EXD3: variants seen among roughly 807,000 people sequenced by gnomAD.
EXD3 encodes exonuclease 3'-5' domain containing 3.
Under a neutral mutation model 98.0 loss-of-function variants are expected in EXD3, and 92 were observed. That is an observed-to-expected ratio of 0.94 (90% CI 0.79 to 1.12). The LOEUF (loss-of-function observed/expected upper bound fraction) is 1.12. EXD3 is among the 50% of genes most tolerant of loss of function. EXD3 has a pLI of 0.00. For missense variants in EXD3, 1,222 were observed against 1,191.6 expected (o/e 1.03, Z -0.38); for synonymous variants, 569 against 526.0 (o/e 1.08, Z -1.12).
intron 2 of EXD3, among the ~76,000 whole-genome samples, chr9:137,389,183 G>A (rs1316047293): frequency 6.6e-6 from 1 of 152,220 alleles, no homozygotes; most frequent in African/African-American, 2.4e-5. Flanking sequence ...CTCAGCTGCA[G>A]GCAGGGCGGG....
intron 1 of EXD3, among the ~76,000 whole-genome samples, chr9:137,408,987 T>G (rs1317753566): frequency 6.6e-6 from 1 of 152,250 alleles, no homozygotes; most frequent in Non-Finnish European, 1.5e-5. Context: ...GCAGTCGGCC[T>G]GTCCCTTCTG....
intron 2 of EXD3, chr9:137,392,388 G>A (rs76547376): frequency 0.015 from 2,414 of 161,832 alleles, 53 homozygotes; most frequent in African/African-American, 0.054. Context: ...AGGCCTGGCT[G>A]TCGGGGGCAG....
chr9:137,387,746 C>T (rs1046932143), intron 2 of EXD3, among the ~76,000 whole-genome samples: 22 of 152,220 alleles, frequency 1.4e-4, no homozygotes, highest in Admixed American at 7.8e-4. Flanking sequence ...ACCCGCTCTC[C>T]GGCCCCAGAA....
At chr9:137,314,516 G>A (rs1200476674) in intron 19 of EXD3, among the ~76,000 whole-genome samples, 1 of 152,162 alleles carries the variant, frequency 6.6e-6, no homozygotes, top group Non-Finnish European at 1.5e-5. Context: ...CACCCGCTCA[G>A]TGACCCCCGC....
chr9:137,415,249 G>A (rs1838183102), intron 1 of EXD3, among the ~76,000 whole-genome samples: 1 of 151,308 alleles, frequency 6.6e-6, no homozygotes, highest in Non-Finnish European at 1.5e-5. Flanking sequence ...TGTTGCCCAG[G>A]CTGGAGTGCA....
chr9:137,322,053 A>G (rs1588240950), intron 19 of EXD3, among the ~76,000 whole-genome samples: 1 of 152,084 alleles, frequency 6.6e-6, no homozygotes. Context: ...TGGTGCCCCC[A>G]CCAGCCTCCT....
intron 2 of EXD3, among the ~76,000 whole-genome samples, chr9:137,383,811 G>A (rs1484086390): frequency 2.6e-5 from 4 of 152,300 alleles, no homozygotes; most frequent in East Asian, 1.9e-4. Flanking sequence ...TTTAGGTTTC[G>A]GTCCCCGGCC....
rs144589250 is a variant in EXD3, at chr9:137,324,510, T to C, written c.1999-367A>G. Among the ~76,000 whole-genome samples, 407 of 152,210 alleles carry C rather than the reference T, an allele frequency of 2.7e-3. 3 individuals are homozygous for C. Among genetic ancestry groups the C allele is most frequent in the East Asian group, 0.024 (124 of 5,176 alleles). On this transcript the variant is annotated intron_variant, in intron 17 of 21. Coordinates refer to ENST00000340951, the MANE Select transcript of EXD3 (RefSeq NM_017820.5). The surrounding 1 kb of genome is among the most constrained non-coding windows in gnomAD (Gnocchi z 4.1). ...AACACAGTAACTTGCCCCTAGCTCA[T>C]AGGGAGCCAACTACACATCAAAAAT...
At chr9:137,412,279 C>A (rs1838039799) in intron 1 of EXD3, among the ~76,000 whole-genome samples, 1 of 152,220 alleles carries the variant, frequency 6.6e-6, no homozygotes, top group African/African-American at 2.4e-5. Context: ...ACAGCAGCCA[C>A]AGCTGAAAGT....
intron 20 of EXD3, among the ~76,000 whole-genome samples, chr9:137,309,325 A>C (rs1831236925): frequency 6.6e-6 from 1 of 152,026 alleles, no homozygotes; most frequent in African/African-American, 2.4e-5. Flanking sequence ...AGAGAGAAGG[A>C]GGTGCACACC....
intron 1 of EXD3, among the ~76,000 whole-genome samples, chr9:137,416,636 C>G (rs1291862120): frequency 6.6e-6 from 1 of 152,196 alleles, no homozygotes; most frequent in Non-Finnish European, 1.5e-5. Flanking sequence ...CGGCTCAGAG[C>G]ATCATCCTGC....
chr9:137,397,352 C>T (rs1280527145), intron 1 of EXD3, among the ~76,000 whole-genome samples: 2 of 152,294 alleles, frequency 1.3e-5, no homozygotes, highest in East Asian at 1.9e-4. Context: ...CTCCGAAGAG[C>T]CCCTGACAAA....
intron 21 of EXD3, 23 bp from the exon 22 acceptor site, chr9:137,307,286 C>T (rs1375773960): frequency 6.8e-7 from 1 of 1,468,182 alleles, no homozygotes; most frequent in Non-Finnish European, 9.0e-7. Flanking sequence ...AAGTGGACTC[C>T]CTGAGCCCTC....
Position 137,393,581 on chromosome 9 carries a change from C to T in EXD3, c.55+1722G>A, listed in dbSNP as rs148820703. On this transcript the variant is annotated intron_variant, in intron 2 of 21. Transcript: ENST00000340951. The surrounding 1 kb of genome is among the most constrained non-coding windows in gnomAD (Gnocchi z 4.6). ...GGAAGGCGACATGCCCGGAGGTGCC[C>T]CCACAGCCCTCAGCACCCACTGGGA... Among the ~76,000 whole-genome samples the T allele has an allele frequency of 1.8e-3, 268 of 152,318 alleles. 1 individual carries two copies. Among genetic ancestry groups the T allele is most frequent in the African/African-American group, 6.2e-3 (256 of 41,566 alleles).
chr9:137,323,818 G>C lies in EXD3; in HGVS notation c.2091C>G (p.Val697=), dbSNP rs764477243. 6.2e-7 allele frequency: 1 copy of C among 1,612,084 alleles called. No individual in the cohort carries two copies. The highest frequency in any genetic ancestry group is 1.1e-5 in the South Asian group (1 of 91,058). The change falls in exon 19 of 22, where the codon GTC becomes GTG. Residue 697 remains valine (V), a synonymous_variant. Transcript: ENST00000340951. ...AQVGAGRCLS[V]DCSLKAQQQA... ...GCTGCTGGGCCTTCAGGGAGCAGTCGACCGAGAGGCAGCGCCCAGCCCCGA... is the reference window on the plus strand; with the variant it reads ...GCTGCTGGGCCTTCAGGGAGCAGTCCACCGAGAGGCAGCGCCCAGCCCCGA...
Position 137,395,451 on chromosome 9 carries a change from C to G in EXD3, c.-47-47G>C. 6.4e-7 allele frequency: 1 copy of G among 1,573,042 alleles called. No homozygotes were observed. The highest frequency in any genetic ancestry group is 8.7e-7 in the Non-Finnish European group (1 of 1,150,118). On this transcript the variant is annotated intron_variant, in intron 1 of 21. Transcript: ENST00000340951. The surrounding 1 kb of genome is among the most constrained non-coding windows in gnomAD (Gnocchi z 6.5). ...TGAATGCAGAGCCCACTGCAACAGG[C>G]AGCCATGCAGAGCCCACGCCCACAG...
intron 1 of EXD3, among the ~76,000 whole-genome samples, chr9:137,420,592 T>G (rs1053062578): frequency 6.6e-6 from 1 of 152,130 alleles, no homozygotes; most frequent in Non-Finnish European, 1.5e-5. Flanking sequence ...ATAGAGCCAA[T>G]AAAAAGCCCC....
In EXD3 at chr9:137,366,476, C is replaced by T. The variant is rs999187674; in HGVS notation, c.656+17G>A. On this transcript the variant is annotated intron_variant, in intron 7 of 21. Coordinates refer to ENST00000340951, the MANE Select transcript of EXD3 (RefSeq NM_017820.5). Reference sequence around the variant, plus strand: ...GATGCCATCTGGTGCCAGCTGCCAGCGCCCCACGGGACTCACCTGGCAACG... The same window carrying T: ...GATGCCATCTGGTGCCAGCTGCCAGTGCCCCACGGGACTCACCTGGCAACG... 22 of 1,539,544 alleles carry T rather than the reference C, an allele frequency of 1.4e-5. No individual in the cohort carries two copies. The highest frequency in any genetic ancestry group is 1.1e-4 in the African/African-American group (8 of 72,748).
At chr9:137,366,057 G>A in intron 7 of EXD3, 1 of 672,904 alleles carries the variant, frequency 1.5e-6, no homozygotes, top group Non-Finnish European at 2.7e-6. Context: ...CATGCACATG[G>A]CTTCCCTGAA....
Sources: gnomAD v4.1 joint callset for allele counts (sites outside exome capture counted in the v4.1 genomes callset) on GRCh38, gnomAD v4.1.1 for gene constraint, Gnocchi (gnomAD v3.1) non-coding constraint, MANE v1.5 for transcripts, NCBI Gene and HGNC (gene_info 2026-07-23, HGNC 2026-07-21) for gene names.